Variants in LRRC42 observed in about 807,000 individuals in gnomAD.
The protein encoded by LRRC42 is leucine rich repeat containing 42.
Under a neutral mutation model 44.3 loss-of-function variants are expected in LRRC42, and 43 were observed. The ratio of observed to expected loss-of-function variants is 0.97; its 90% CI spans 0.76 to 1.25. The LOEUF is 1.25. LRRC42 is among the 50% of genes most tolerant of loss of function. The pLI, the probability that LRRC42 is intolerant of heterozygous loss-of-function variation, is 0.00. For synonymous variants in LRRC42, 207 were observed against 195.2 expected, an observed-to-expected ratio of 1.06 and a Z score of -0.50; for missense variants, 540 against 509.1, an observed-to-expected ratio of 1.06 and a Z score of -0.58.
Position 53,962,027 on chromosome 1 carries a change from C to G in LRRC42, c.725-7C>G, listed in dbSNP as rs755812731. ...TGACAGAATGCTACGTTGTTTTTGACATCTAGGTAACCCTGAGATCACAGA... is the reference window on the plus strand; with the variant it reads ...TGACAGAATGCTACGTTGTTTTTGAGATCTAGGTAACCCTGAGATCACAGA... On this transcript the variant is annotated splice_region_variant and splice_polypyrimidine_tract_variant and intron_variant, in intron 5 of 8. Transcript: ENST00000371370. 5.0e-6 allele frequency: 8 copies of G among 1,601,784 alleles called. No individual in the cohort carries two copies. In the Admixed American group the frequency reaches 1.4e-4, roughly 27 times the overall value.
At position 53,962,263 on chromosome 1, in the gene LRRC42, A is replaced by G. The variant is rs770691181; in HGVS notation, c.814-33A>G. The G allele has an allele frequency of 1.9e-6, 3 of 1,540,160 alleles. No homozygotes were observed. The Admixed American group carries it at 5.0e-5, about 26-fold the overall frequency. The stretch of plus-strand genomic sequence containing the variant: ...AAACAAGTAAGAATTAACCAAATGT[A>G]TTTGCATTTCTGATCTGTCTCTGCC... On this transcript the variant is annotated intron_variant, in intron 6 of 8. Transcript: ENST00000371370.
At chr1:53,956,268 G>A (rs1654833859) in intron 3 of LRRC42, among the ~76,000 whole-genome samples, 2 of 152,268 alleles carry the variant, frequency 1.3e-5, no homozygotes, top group East Asian at 3.9e-4. Flanking sequence ...CCAACCTTAC[G>A]AAAACTCTCT....
rs199552030 is a variant in LRRC42 at position 53,962,001 on chromosome 1, G to A, written c.725-33G>A. ...TTGTCATTTTAACAGCATTTATATT[G>A]TGACAGAATGCTACGTTGTTTTTGA... On this transcript the variant is annotated intron_variant, in intron 5 of 8. Coordinates refer to ENST00000371370, the MANE Select transcript of LRRC42 (RefSeq NM_001256409.2). 141 of 1,441,852 alleles carry A rather than the reference G, an allele frequency of 9.8e-5. No homozygotes were observed. In the African/African-American group the frequency reaches 1.4e-3, roughly 14 times the overall value. The allele number at this position is 1,441,852 out of a possible 1,614,324, so 89.3% of individuals were successfully genotyped here. A position where few individuals can be genotyped will look rare whatever the true frequency, so the allele number is the denominator to read the frequency against.
intron 5 of LRRC42, among the ~76,000 whole-genome samples, chr1:53,961,709 C>A (rs1370613724): frequency 1.3e-5 from 2 of 152,120 alleles, no homozygotes; most frequent in Non-Finnish European, 2.9e-5. Context: ...GTATGATAAA[C>A]CATTGTAATA....
At chr1:53,963,145 T>C (rs1360908121) in intron 7 of LRRC42, among the ~76,000 whole-genome samples, 1 of 152,084 alleles carries the variant, frequency 6.6e-6, no homozygotes, top group Non-Finnish European at 1.5e-5. Context: ...CCCTCTTAGC[T>C]CCAAGCCATA....
chr1:53,958,187 C>G lies in LRRC42; in HGVS notation c.512C>G (p.Ser171Cys). The G allele has an allele frequency of 6.2e-7, 1 of 1,613,928 alleles. No homozygotes were observed. Among genetic ancestry groups the G allele is most frequent in the South Asian group, 1.1e-5 (1 of 91,078 alleles). ...TCAGAAAAGCTTGAGGAGATTAAGT[C>G]TTTCCGGGAGCTGACCTGCCTGGAT... ...VISEKLEEIK[S>C]FRELTCLDLS... The change falls in exon 4 of 9, where the codon TCT becomes TGT. Residue 171 changes from serine to cysteine, a missense_variant. Physicochemically the swap from Ser to Cys is moderately radical, Grantham distance 112 (BLOSUM62 -1). Transcript: ENST00000371370.
chr1:53,952,102 A>G lies in LRRC42; in HGVS notation c.103A>G (p.Arg35Gly), dbSNP rs752853590. ...GGTCAATCTGGCTCTGGATGGTGTC[A>G]GGAGTAGCCTGCAGAAGCCAAGGCC... ...HMVNLALDGV[R>G]SSLQKPRPFR... is the part of the protein sequence containing the mutation. The change falls in exon 3 of 9, where the codon AGG becomes GGG. Residue 35 changes from arginine to glycine, a missense_variant. Physicochemically the swap from Arg to Gly is moderately radical, Grantham distance 125 (BLOSUM62 -2). Coordinates refer to ENST00000371370, the MANE Select transcript of LRRC42 (RefSeq NM_001256409.2). 6.2e-7 allele frequency: 1 copy of G among 1,614,222 alleles called. No homozygotes were observed. Among genetic ancestry groups the G allele is most frequent in the South Asian group, 1.1e-5 (1 of 91,086 alleles).
Position 53,960,374 on chromosome 1 carries a change from G to A in LRRC42, c.624G>A (p.Leu208=). ...TCCCTAGTGTAACTCAGCTCCACCT[G>A]AAGGATAATTGTTTATCTGATGCTG... ...EALSSVTQLH[L]KDNCLSDAGV... The change falls in exon 5 of 9, where the codon CTG becomes CTA. Residue 208 remains leucine (L), a synonymous_variant. Coordinates refer to ENST00000371370, the MANE Select transcript of LRRC42 (RefSeq NM_001256409.2). 6.2e-7 allele frequency: 1 copy of A among 1,613,214 alleles called. No homozygotes were observed. The highest frequency in any genetic ancestry group is 2.2e-5 in the East Asian group (1 of 44,876).
Position 53,958,149 on chromosome 1 carries a change from G to T in LRRC42, c.474G>T (p.Arg158Ser), listed in dbSNP as rs754766977. Residue 158 changes from arginine to serine, a missense_variant and splice_region_variant, in exon 4 of 9, where the codon AGG becomes AGT. Arg to Ser is a moderately radical substitution (Grantham distance 110). Coordinates refer to ENST00000371370, the MANE Select transcript of LRRC42 (RefSeq NM_001256409.2). ...ATTGATTGCTCTCCACGCTCCGTAG[G>T]TATCTCGTGATTTCAGAAAAGCTTG... ...LVLCSLCLRN[R>S]YLVISEKLEE... The T allele has an allele frequency of 1.9e-6, 3 of 1,613,578 alleles. No individual in the cohort carries two copies. The highest frequency in any genetic ancestry group is 2.2e-5 in the East Asian group (1 of 44,844).
chr1:53,948,266 C>T (rs1654582410), intron 2 of LRRC42, among the ~76,000 whole-genome samples: 2 of 152,136 alleles, frequency 1.3e-5, no homozygotes, highest in African/African-American at 4.8e-5. Flanking sequence ...CACAATTTTA[C>T]CCTGTGGGCT....
chr1:53,966,302 C>T lies in LRRC42; in HGVS notation c.934C>T (p.Leu312=). The change falls in exon 8 of 9, where the codon CTG becomes TTG. Residue 312 remains leucine (L), a synonymous_variant. Coordinates refer to ENST00000371370, the MANE Select transcript of LRRC42 (RefSeq NM_001256409.2). The stretch of plus-strand genomic sequence containing the variant: ...CTTTCCAAATATGTTTCAGATCGTT[C>T]TGCAGTGGGAGCGTGTGACTGCGGA... The part of the protein sequence containing the change: ...KTEGWADQIV[L]QWERVTAEAV... 1 of 1,612,454 alleles carries T rather than the reference C, an allele frequency of 6.2e-7. No individual in the cohort carries two copies. The highest frequency in any genetic ancestry group is 2.2e-5 in the East Asian group (1 of 44,872).
Position 53,950,122 on chromosome 1 carries a change from T to A in LRRC42, c.-14-1864T>A, listed in dbSNP as rs535727480. Among the ~76,000 whole-genome samples the A allele has an allele frequency of 1.3e-3, 200 of 152,314 alleles. 1 individual carries two copies. The highest frequency in any genetic ancestry group is 3.4e-3 in the Middle Eastern group (1 of 294). On this transcript the variant is annotated intron_variant, in intron 2 of 8. Transcript: ENST00000371370. ...TAAGTGCTATGTAGGAGAGACTGGG[T>A]GCTCTGGGAAAACCAGACAGGCACG...
In LRRC42 at chr1:53,952,319, T is replaced by A. The variant is rs1486578519; in HGVS notation, c.320T>A (p.Leu107His). Residue 107 changes from leucine to histidine, a missense_variant, in exon 3 of 9, where the codon CTT becomes CAT. By Grantham distance (99) the Leu-to-His change is moderately conservative. Coordinates refer to ENST00000371370, the MANE Select transcript of LRRC42 (RefSeq NM_001256409.2). The stretch of plus-strand genomic sequence containing the variant: ...GACAATGTGGATCACATTGATTCCC[T>A]TATTGGCTTTCCTGAGCAGATTGCT... Reference protein sequence around the residue: ...ISDNVDHIDSLIGFPEQIAEK... With the variant: ...ISDNVDHIDSHIGFPEQIAEK... The A allele has an allele frequency of 1.9e-6, 3 of 1,614,250 alleles. No homozygotes were observed. Among genetic ancestry groups the A allele is most frequent in the Non-Finnish European group, 2.5e-6 (3 of 1,180,018 alleles).
chr1:53,965,074 TG>T (rs1219612183), intron 7 of LRRC42, among the ~76,000 whole-genome samples: 1 of 150,414 alleles, frequency 6.6e-6, no homozygotes, highest in Non-Finnish European at 1.5e-5. Context: ...GGTGTGATCT[TG>T]GCTCACTGCA....
chr1:53,949,896 C>T (rs527659701), intron 2 of LRRC42, among the ~76,000 whole-genome samples: 1 of 152,340 alleles, frequency 6.6e-6, no homozygotes, highest in Non-Finnish European at 1.5e-5. Flanking sequence ...TCAGCAGGCC[C>T]TACAACTGAG....
Position 53,952,453 on chromosome 1 carries a change from T to C in LRRC42, c.454T>C (p.Ser152Pro). Residue 152 changes from serine to proline, a missense_variant, in exon 3 of 9, where the codon TCC becomes CCC. Transcript: ENST00000371370. ...TEAYGSLVLC[S>P]LCLRNRYLVI... ...GGCCTATGGAAGTTTGGTGCTTTGCTCCCTGTGTTTGCGAAACAGGTGGGT... is the reference window on the plus strand; with the variant it reads ...GGCCTATGGAAGTTTGGTGCTTTGCCCCCTGTGTTTGCGAAACAGGTGGGT... The C allele has an allele frequency of 6.3e-7, 1 of 1,597,036 alleles. No homozygotes were observed. The highest frequency in any genetic ancestry group is 8.6e-7 in the Non-Finnish European group (1 of 1,167,478).
intron 6 of LRRC42, 35 bp from the exon 7 acceptor site, chr1:53,962,261 G>A: frequency 6.5e-7 from 1 of 1,534,448 alleles, no homozygotes; most frequent in Non-Finnish European, 9.0e-7. Context: ...TTAACCAAAT[G>A]TATTTGCATT....
chr1:53,960,117 C>T (rs1042804060), intron 4 of LRRC42, among the ~76,000 whole-genome samples: 1 of 152,046 alleles, frequency 6.6e-6, no homozygotes, highest in Non-Finnish European at 1.5e-5. Flanking sequence ...GGGATGGGGT[C>T]TCTAACTCCT....
In LRRC42 at chr1:53,964,223, GT is replaced by G. The variant is rs201213418; in HGVS notation, c.927+1815del. On this transcript the variant is annotated intron_variant, in intron 7 of 8. Transcript: ENST00000371370. ...TTCGATAGAAACATGCATGACTTAT[GT>G]ATTTTTCTCTGGGCCTCTCTCCTGG... 9.3e-3 allele frequency among the ~76,000 whole-genome samples: 1,410 copies of G among 152,082 alleles called. 28 individuals carry two copies. Among genetic ancestry groups the G allele is most frequent in the African/African-American group, 0.032 (1,344 of 41,446 alleles).
Sources: allele counts gnomAD v4.1 joint callset (sites outside exome capture counted in the v4.1 genomes callset), GRCh38; gene constraint gnomAD v4.1.1; transcripts MANE v1.5; gene names NCBI Gene and HGNC (gene_info 2026-07-23, HGNC 2026-07-21).